TNR: variants seen among roughly 807,000 people sequenced by gnomAD.
The protein encoded by TNR is tenascin R, also known as tenascin-R.
A neutral mutation model predicts 150.4 loss-of-function variants in TNR; 45 were observed. The ratio of observed to expected loss-of-function variants is 0.30; its 90% confidence interval spans 0.24 to 0.38. TNR has a LOEUF of 0.38. Ranked by LOEUF, TNR falls within the 10% of genes least tolerant of loss-of-function variation. The pLI is 1.00. For missense variants in TNR, 1,544 were observed against 1,759.1 expected (o/e 0.88, Z 2.19); for synonymous variants, 687 against 678.4 (o/e 1.01, Z -0.20).
chr1:175,657,248 A>G (rs531540814), intron 1 of TNR, among the ~76,000 whole-genome samples: 1 of 152,322 alleles, frequency 6.6e-6, no homozygotes, highest in African/African-American at 2.4e-5. Flanking sequence ...TAGAATGGTG[A>G]TCATTAAAAA....
intron 6 of TNR, 61 bp downstream of exon 6, chr1:175,393,719 C>A: frequency 7.2e-7 from 1 of 1,396,766 alleles, no homozygotes; most frequent in South Asian, 1.2e-5. Flanking sequence ...CCCCTGATTC[C>A]AAGCTAAAGG....
At chr1:175,738,353 G>T (rs564540303) in intron 1 of TNR, among the ~76,000 whole-genome samples, 1 of 152,258 alleles carries the variant, frequency 6.6e-6, no homozygotes, top group South Asian at 2.1e-4. Flanking sequence ...AAGGAAGGAA[G>T]TTCTGACACA....
At chr1:175,618,065 T>C (rs1029048304) in intron 1 of TNR, among the ~76,000 whole-genome samples, 1 of 152,222 alleles carries the variant, frequency 6.6e-6, no homozygotes, top group East Asian at 1.9e-4. Flanking sequence ...GGGAGGGTCA[T>C]TCAAGCTCAA....
Position 175,323,057 on chromosome 1 carries a change from C to A in TNR, c.*300G>T, listed in dbSNP as rs901447563. 6.9e-5 allele frequency: 18 copies of A among 261,770 alleles called. No individual in the cohort carries two copies. Among genetic ancestry groups the A allele is most frequent in the African/African-American group, 3.8e-4 (17 of 45,002 alleles). The allele number at this position is 261,770 out of a possible 1,614,324, so 16.2% of individuals were successfully genotyped here. On this transcript the variant is annotated 3_prime_UTR_variant, in exon 23 of 23. Coordinates refer to ENST00000367674, the MANE Select transcript of TNR (RefSeq NM_003285.3). ...TGCCTGTCACCATAACAATCTGCACCCCACGACTTGGCTTTGAATTGGCCC... is the reference window on the plus strand; with the variant it reads ...TGCCTGTCACCATAACAATCTGCACACCACGACTTGGCTTTGAATTGGCCC...
At chr1:175,578,781 C>A (rs749289591) in intron 1 of TNR, among the ~76,000 whole-genome samples, 2 of 152,194 alleles carry the variant, frequency 1.3e-5, no homozygotes, top group African/African-American at 4.8e-5. Flanking sequence ...TAAATGAGAG[C>A]CAGCCTGGCA....
Position 175,348,162 on chromosome 1 carries a change from T to C in TNR, c.3382+6229A>G, listed in dbSNP as rs115237640. Among the ~76,000 whole-genome samples, 1,073 of 152,262 alleles carry C rather than the reference T, an allele frequency of 7.0e-3. 15 individuals are homozygous for C. Among genetic ancestry groups the C allele is most frequent in the African/African-American group, 0.025 (1,032 of 41,560 alleles). On this transcript the variant is annotated intron_variant, in intron 18 of 22. Coordinates refer to ENST00000367674, the MANE Select transcript of TNR (RefSeq NM_003285.3). ...TAAGTTAGACAAAAATTATCAGCAA[T>C]ACAAAATGAAATGTTCAGAAATTAG...
intron 2 of TNR, among the ~76,000 whole-genome samples, chr1:175,458,743 T>G (rs1406717394): frequency 6.6e-6 from 1 of 152,254 alleles, no homozygotes; most frequent in Non-Finnish European, 1.5e-5. Flanking sequence ...GAGGTCTGAT[T>G]TGAAATAGGA....
chr1:175,521,653 CT>C (rs939260747), intron 2 of TNR, among the ~76,000 whole-genome samples: 8 of 152,142 alleles, frequency 5.3e-5, no homozygotes, highest in African/African-American at 1.9e-4. Flanking sequence ...TTTGTTCTTA[CT>C]TTTTTCCTCT....
chr1:175,559,093 A>T (rs1365186850), intron 1 of TNR, among the ~76,000 whole-genome samples: 2 of 152,192 alleles, frequency 1.3e-5, no homozygotes, highest in African/African-American at 4.8e-5. Context: ...AAAACTAAAA[A>T]TCTATTTTTT....
chr1:175,530,572 T>C (rs998125875), intron 1 of TNR, among the ~76,000 whole-genome samples: 1 of 152,240 alleles, frequency 6.6e-6, no homozygotes, highest in Non-Finnish European at 1.5e-5. Context: ...ATATATGGGA[T>C]GTTTTTGTTT....
chr1:175,384,107 G>A (rs1170936674), intron 8 of TNR, among the ~76,000 whole-genome samples: 1 of 152,234 alleles, frequency 6.6e-6, no homozygotes, highest in Non-Finnish European at 1.5e-5. Flanking sequence ...CTGCTCAAGA[G>A]CTCTCCTCTC....
Position 175,317,407 on chromosome 1 carries a change from C to T in TNR, c.*5950G>A, listed in dbSNP as rs1227790454. ...TCCAGCTCTGAAAGTGTATTTCCAA[C>T]ATTTGCCTGTTGGAGGCAGTGTTGA... On this transcript the variant is annotated 3_prime_UTR_variant, in exon 23 of 23. Coordinates refer to ENST00000367674, the MANE Select transcript of TNR (RefSeq NM_003285.3). The T allele has an allele frequency of 6.6e-6, 1 of 152,216 alleles. No individual in the cohort carries two copies. The highest frequency in any genetic ancestry group is 2.4e-5 in the African/African-American group (1 of 41,442). 9.4% of individuals were successfully genotyped at this position (152,216 alleles called of 1,614,324 possible).
intron 1 of TNR, among the ~76,000 whole-genome samples, chr1:175,725,479 A>G (rs964667630): frequency 4.6e-5 from 7 of 152,220 alleles, no homozygotes; most frequent in Admixed American, 3.9e-4. Flanking sequence ...AACTAAAATG[A>G]CAAATGTTCA....
chr1:175,684,372 G>C (rs570309238), intron 1 of TNR, among the ~76,000 whole-genome samples: 24 of 152,100 alleles, frequency 1.6e-4, no homozygotes, highest in Non-Finnish European at 3.1e-4. Context: ...AATTGAGTGA[G>C]GAATGGGTTT....
At chr1:175,713,696 G>A (rs1667081646) in intron 1 of TNR, among the ~76,000 whole-genome samples, 2 of 152,124 alleles carry the variant, frequency 1.3e-5, no homozygotes, top group African/African-American at 4.8e-5. Flanking sequence ...GGCAGGCAAA[G>A]GAAAAAGTCT....
chr1:175,368,003 T>A (rs1433803251), intron 9 of TNR, among the ~76,000 whole-genome samples: 1 of 152,182 alleles, frequency 6.6e-6, no homozygotes, highest in Non-Finnish European at 1.5e-5. Flanking sequence ...TAAGCTTCTC[T>A]GAGGAAATCC....
intron 1 of TNR, among the ~76,000 whole-genome samples, chr1:175,729,139 G>GAA (rs1667558348): frequency 6.6e-6 from 1 of 152,076 alleles, no homozygotes; most frequent in Non-Finnish European, 1.5e-5. Flanking sequence ...TTAGCAGGTT[G>GAA]TTCCTTGACG....
intron 4 of TNR, among the ~76,000 whole-genome samples, chr1:175,398,345 A>T (rs1396594300): frequency 6.6e-6 from 1 of 152,226 alleles, no homozygotes; most frequent in East Asian, 1.9e-4. Flanking sequence ...ACAAAAATTA[A>T]AAAAAATTTT....
intron 21 of TNR, among the ~76,000 whole-genome samples, chr1:175,328,860 G>C (rs1649559647): frequency 6.6e-6 from 1 of 152,220 alleles, no homozygotes; most frequent in Non-Finnish European, 1.5e-5. Context: ...TTCTTTTCCT[G>C]TAGGAGAAAT....
Sources: gnomAD v4.1 joint callset for allele counts (sites outside exome capture counted in the v4.1 genomes callset) on GRCh38, gnomAD v4.1.1 for gene constraint, MANE v1.5 for transcripts, NCBI Gene and HGNC (gene_info 2026-07-23, HGNC 2026-07-21) for gene names.